Variants in STXBP5 observed in about 807,000 individuals in gnomAD.
STXBP5 encodes syntaxin binding protein 5, also known as syntaxin-binding protein 5.
STXBP5 carries 50 observed loss-of-function variants against 152.4 expected under a neutral mutation model. The observed-to-expected ratio is 0.33, with a 90% CI of 0.26 to 0.42. The LOEUF (loss-of-function observed/expected upper bound fraction) is 0.42. Among genes scored for constraint, STXBP5 ranks in the 10% least tolerant of loss-of-function variants. The pLI is 1.00. For missense variants in STXBP5, 1,167 were observed against 1,388.6 expected, an observed-to-expected ratio of 0.84 and a Z score of 2.54; for synonymous variants, 492 against 494.7, an observed-to-expected ratio of 0.99 and a Z score of 0.07.
chr6:147,263,545 T>C (rs1779747489), intron 6 of STXBP5, among the ~76,000 whole-genome samples: 3 of 151,936 alleles, frequency 2.0e-5, no homozygotes, highest in African/African-American at 4.8e-5. Context: ...TCAGTGGGTC[T>C]GTAGTATCTA....
intron 21 of STXBP5, among the ~76,000 whole-genome samples, chr6:147,340,517 AC>A (rs1784042330): frequency 6.6e-6 from 1 of 152,030 alleles, no homozygotes; most frequent in Non-Finnish European, 1.5e-5. Context: ...ATAGTCTTTA[AC>A]CAATTTCATT....
intron 8 of STXBP5, among the ~76,000 whole-genome samples, chr6:147,289,570 A>G (rs1240369580): frequency 1.3e-5 from 2 of 152,194 alleles, no homozygotes; most frequent in African/African-American, 4.8e-5. Context: ...ACAGAATGTT[A>G]ATAAGCCTGG....
intron 21 of STXBP5, among the ~76,000 whole-genome samples, chr6:147,351,065 G>A (rs995412722): frequency 1.6e-4 from 24 of 152,148 alleles, no homozygotes; most frequent in African/African-American, 1.2e-4. Flanking sequence ...TTATATAGAC[G>A]TACTGGGATT....
Position 147,359,317 on chromosome 6 carries a change from C to T in STXBP5, c.2539C>T (p.Pro847Ser), listed in dbSNP as rs1437662545. The T allele has an allele frequency of 6.2e-7, 1 of 1,613,156 alleles. No individual in the cohort carries two copies. The highest frequency in any genetic ancestry group is 8.5e-7 in the Non-Finnish European group (1 of 1,179,246). The stretch of plus-strand genomic sequence containing the variant: ...ACTTCTTCAGCCAGTAATTGTGTCT[C>T]CAAGTGGTATGTATTGCTGCTGCAC... ...QRLLQPVIVS[P>S]SGTILRLKGA... is the part of the protein sequence containing the mutation. Residue 847 changes from proline to serine, a missense_variant, in exon 23 of 28, where the codon CCA (proline) becomes TCA (serine). By Grantham distance (74) the Pro-to-Ser change is moderately conservative (BLOSUM62 -1). Coordinates refer to ENST00000321680, the MANE Select transcript of STXBP5 (RefSeq NM_001127715.4).
chr6:147,323,016 C>T (rs1490231630), intron 16 of STXBP5, among the ~76,000 whole-genome samples: 1 of 152,146 alleles, frequency 6.6e-6, no homozygotes, highest in Non-Finnish European at 1.5e-5. Context: ...TCATCTCAAA[C>T]TTAACCCCAT....
chr6:147,353,749 T>C (rs999081581), intron 22 of STXBP5, among the ~76,000 whole-genome samples: 1 of 152,168 alleles, frequency 6.6e-6, no homozygotes, highest in African/African-American at 2.4e-5. Flanking sequence ...AATGAAATAC[T>C]TAAAATTTAA....
At chr6:147,312,570 A>G (rs990904938) in intron 11 of STXBP5, among the ~76,000 whole-genome samples, 1 of 152,052 alleles carries the variant, frequency 6.6e-6, no homozygotes, top group African/African-American at 2.4e-5. Context: ...TGGGTAGAAG[A>G]CAGAGATGCT....
intron 4 of STXBP5, among the ~76,000 whole-genome samples, chr6:147,244,058 GA>G (rs1056270911): frequency 6.6e-6 from 1 of 151,552 alleles, no homozygotes; most frequent in African/African-American, 2.4e-5. Flanking sequence ...ATATTTGGGG[GA>G]AAAATAAAAA....
intron 5 of STXBP5, among the ~76,000 whole-genome samples, chr6:147,261,042 C>A (rs772349265): frequency 6.6e-6 from 1 of 151,954 alleles, no homozygotes; most frequent in Non-Finnish European, 1.5e-5. Flanking sequence ...TGAAAATCAT[C>A]TAATTTTTTC....
intron 6 of STXBP5, among the ~76,000 whole-genome samples, chr6:147,264,997 A>G (rs1279342834): frequency 2.6e-5 from 4 of 152,204 alleles, no homozygotes; most frequent in Non-Finnish European, 5.9e-5. Flanking sequence ...TTAATACTAG[A>G]ACTCAGGTTA....
intron 19 of STXBP5, among the ~76,000 whole-genome samples, chr6:147,336,763 A>G (rs1783845126): frequency 1.3e-5 from 2 of 152,116 alleles, no homozygotes; most frequent in Non-Finnish European, 2.9e-5. Context: ...AGTCTCTTGT[A>G]AATATTAAGT....
chr6:147,215,578 T>A (rs1777123574), intron 2 of STXBP5, among the ~76,000 whole-genome samples: 1 of 152,080 alleles, frequency 6.6e-6, no homozygotes, highest in Non-Finnish European at 1.5e-5. Context: ...GCCTGGGTTT[T>A]GTCATGTTGC....
chr6:147,317,338 T>C (rs1261751700), intron 16 of STXBP5, among the ~76,000 whole-genome samples: 2 of 152,208 alleles, frequency 1.3e-5, no homozygotes, highest in Non-Finnish European at 2.9e-5. Flanking sequence ...TTTTTTATAT[T>C]ACAATCATTT....
chr6:147,212,514 T>C (rs1459801516), intron 2 of STXBP5, among the ~76,000 whole-genome samples: 10 of 152,202 alleles, frequency 6.6e-5, no homozygotes, highest in Non-Finnish European at 1.5e-5. Context: ...TCTTGTAAAA[T>C]GAGGAAATTG....
chr6:147,334,251 T>C (rs776500009), intron 19 of STXBP5, 29 bp downstream of exon 19: 1 of 1,591,642 alleles, frequency 6.3e-7, no homozygotes, highest in East Asian at 2.2e-5. Flanking sequence ...ATTTCATTAA[T>C]AATTATGATT....
chr6:147,359,149 C>T lies in STXBP5; in HGVS notation c.2371C>T (p.Arg791Ter). The change falls in exon 23 of 28, where the codon CGA becomes TGA. Residue 791 changes from arginine (R) to a stop codon, truncating the protein, a stop_gained. Transcript: ENST00000321680. LOFTEE classifies it high-confidence loss of function. Reference sequence around the variant, plus strand: ...TGTAACAAGCATTGACAAAGAATCCCGAGAAGCGATCTCCGCTCTTCATTT... The same window carrying T: ...TGTAACAAGCATTGACAAAGAATCCTGAGAAGCGATCTCCGCTCTTCATTT... ...SSVTSIDKES[R>*]EAISALHFCE... The T allele has an allele frequency of 6.2e-7, 1 of 1,613,992 alleles. No individual in the cohort carries two copies. Among genetic ancestry groups the T allele is most frequent in the Non-Finnish European group, 8.5e-7 (1 of 1,179,924 alleles).
intron 7 of STXBP5, among the ~76,000 whole-genome samples, chr6:147,276,010 C>G (rs1207196278): frequency 6.6e-6 from 1 of 152,144 alleles, no homozygotes; most frequent in Admixed American, 6.5e-5. Context: ...AGATTTGCTC[C>G]TAACCCACCT....
chr6:147,206,232 A>G lies in STXBP5; in HGVS notation c.248+164A>G, dbSNP rs148421027. On this transcript the variant is annotated intron_variant, in intron 2 of 27. Transcript: ENST00000321680. ...TTTTCCCTTGATTATAATTCAGCTT[A>G]TATACTGCTGTGATGTTTCTCAGCT... 3.3e-3 allele frequency among the ~76,000 whole-genome samples: 502 copies of G among 152,298 alleles called. 5 individuals are homozygous for G. The highest frequency in any genetic ancestry group is 0.011 in the African/African-American group (451 of 41,562).
At chr6:147,339,518 T>G in intron 21 of STXBP5, 134 bp downstream of exon 21, 1 of 643,714 alleles carries the variant, frequency 1.6e-6, no homozygotes, top group Non-Finnish European at 2.4e-6. Context: ...TCTCTTGGGC[T>G]GTGTCTCTTC....
Sources: allele counts gnomAD v4.1 joint callset (sites outside exome capture counted in the v4.1 genomes callset), GRCh38; gene constraint gnomAD v4.1.1; transcripts MANE v1.5; gene names NCBI Gene and HGNC (gene_info 2026-07-23, HGNC 2026-07-21).